TENM4: variants seen among roughly 807,000 people sequenced by gnomAD.
TENM4 encodes teneurin transmembrane protein 4.
A neutral mutation model predicts 243.3 loss-of-function variants in TENM4; 82 were observed. The ratio of observed to expected loss-of-function variants is 0.34; its 90% CI spans 0.28 to 0.40. TENM4 has a LOEUF of 0.40. TENM4 is among the 10% of genes least tolerant of loss of function. The probability of loss-of-function intolerance (pLI) is 1.00; values close to 1 mark genes in which losing one functional copy is unlikely to be tolerated. For synonymous variants in TENM4, 1,412 were observed against 1,456.3 expected (o/e 0.97, Z 0.69); for missense variants, 3,138 against 3,673.3 (o/e 0.85, Z 3.77).
At chr11:78,709,962 A>G (rs1157216062) in intron 26 of TENM4, among the ~76,000 whole-genome samples, 1 of 152,228 alleles carries the variant, frequency 6.6e-6, no homozygotes, top group Non-Finnish European at 1.5e-5. Context: ...GGCCCTGGGC[A>G]GCACCCAGTT....
intron 4 of TENM4, among the ~76,000 whole-genome samples, chr11:79,138,330 T>TATATAATATATA (rs1473021044): frequency 8.6e-6 from 1 of 116,590 alleles, no homozygotes; most frequent in African/African-American, 3.6e-5. Context: ...TATATATATA[T>TATATAATATATA]TATATATATA....
intron 2 of TENM4, among the ~76,000 whole-genome samples, chr11:79,233,821 T>C (rs1297509136): frequency 2.6e-5 from 4 of 152,156 alleles, no homozygotes; most frequent in Admixed American, 1.3e-4. Context: ...TTCCAGCAAA[T>C]AGAAGGCTCT....
chr11:79,251,209 A>G (rs566161580), intron 2 of TENM4, among the ~76,000 whole-genome samples: 8 of 152,200 alleles, frequency 5.3e-5, no homozygotes, highest in Admixed American at 3.3e-4. Context: ...GTTGAAACTA[A>G]GCTCTGACAC....
chr11:79,244,437 CTA>C (rs1342297161), intron 2 of TENM4, among the ~76,000 whole-genome samples: 3 of 140,210 alleles, frequency 2.1e-5, no homozygotes, highest in Non-Finnish European at 4.5e-5. Flanking sequence ...CTGTATGTGT[CTA>C]TGTGTGTGTG....
intron 1 of TENM4, among the ~76,000 whole-genome samples, chr11:79,404,761 G>C (rs1026286487): frequency 6.6e-6 from 1 of 152,124 alleles, no homozygotes; most frequent in Non-Finnish European, 1.5e-5. Context: ...ATTAAGATAA[G>C]AGTTAGTTAT....
At position 78,704,064 on chromosome 11, in the gene TENM4, CATAT is replaced by C. The variant is rs1208763439; in HGVS notation, c.4210-1665_4210-1662del. On this transcript the variant is annotated intron_variant, in intron 27 of 33. Coordinates refer to ENST00000278550, the MANE Select transcript of TENM4 (RefSeq NM_001098816.3). ...ACACACACACACACACACACACACA[CATAT>C]ATATATAAATATATACATACATATA... is the stretch of plus-strand genomic sequence containing the variant. 1.0e-4 allele frequency among the ~76,000 whole-genome samples: 14 copies of C among 134,572 alleles called. 1 individual carries two copies. Among genetic ancestry groups the C allele is most frequent in the African/African-American group, 2.1e-4 (7 of 34,010 alleles). 88.3% of individuals were successfully genotyped at this position (134,572 alleles called of 152,430 possible). A position where few individuals can be genotyped will look rare whatever the true frequency, so the allele number is the denominator to read the frequency against.
At chr11:79,275,254 C>T (rs2004040) in intron 2 of TENM4, among the ~76,000 whole-genome samples, 92,263 of 149,972 alleles carry the variant, frequency 0.62, 28,460 homozygotes, top group Admixed American at 0.67. Flanking sequence ...TGTGTGTGCG[C>T]GCGCATGCGG....
chr11:79,075,156 G>C (rs1203753357), intron 4 of TENM4, among the ~76,000 whole-genome samples: 7 of 152,370 alleles, frequency 4.6e-5, no homozygotes, highest in African/African-American at 1.7e-4. Context: ...CACCGGTCAA[G>C]TGCTTGAGAT....
At chr11:79,192,466 C>A (rs968519980) in intron 3 of TENM4, among the ~76,000 whole-genome samples, 1 of 151,922 alleles carries the variant, frequency 6.6e-6, no homozygotes, top group African/African-American at 2.4e-5. Flanking sequence ...TGTGACCTTA[C>A]CCCCCAACCC....
At chr11:78,962,522 CAGAG>C in intron 6 of TENM4, among the ~76,000 whole-genome samples, 1 of 152,192 alleles carries the variant, frequency 6.6e-6, no homozygotes, top group East Asian at 1.9e-4. Context: ...GATGCCTCCA[CAGAG>C]AAAGTTGCTG....
At chr11:78,729,778 G>T in intron 21 of TENM4, 135 bp from the exon 22 acceptor site, 2 of 1,188,252 alleles carry the variant, frequency 1.7e-6, no homozygotes, top group Non-Finnish European at 2.3e-6. Flanking sequence ...GGGAAAAAAA[G>T]AGGAGACAGT....
chr11:78,699,864 T>G (rs1859063241), intron 28 of TENM4, among the ~76,000 whole-genome samples: 1 of 152,244 alleles, frequency 6.6e-6, no homozygotes, highest in African/African-American at 2.4e-5. Context: ...AGACTTGCTC[T>G]GACAAAGAAA....
chr11:79,252,979 A>ATAT (rs1427790041), intron 2 of TENM4, among the ~76,000 whole-genome samples: 1 of 152,228 alleles, frequency 6.6e-6, no homozygotes, highest in Non-Finnish European at 1.5e-5. Flanking sequence ...CTTAATACAT[A>ATAT]TATTATATCA....
chr11:78,872,327 T>C (rs1011430010), intron 9 of TENM4, among the ~76,000 whole-genome samples: 4 of 152,170 alleles, frequency 2.6e-5, no homozygotes, highest in Non-Finnish European at 5.9e-5. Context: ...CCTAGTACAA[T>C]GCCTACCATC....
chr11:79,234,134 AAAACCC>A (rs1864421439), intron 2 of TENM4, among the ~76,000 whole-genome samples: 1 of 152,216 alleles, frequency 6.6e-6, no homozygotes, highest in Non-Finnish European at 1.5e-5. Context: ...TAAAAGCAAT[AAAACCC>A]ACTTTGTACT....
intron 26 of TENM4, among the ~76,000 whole-genome samples, chr11:78,712,272 C>T (rs1288269262): frequency 6.6e-6 from 1 of 152,154 alleles, no homozygotes; most frequent in Non-Finnish European, 1.5e-5. Flanking sequence ...ACTACATACA[C>T]ACAAACACTT....
At chr11:79,029,519 T>C (rs566722042) in intron 6 of TENM4, among the ~76,000 whole-genome samples, 80 of 152,308 alleles carry the variant, frequency 5.3e-4, no homozygotes, top group African/African-American at 1.7e-3. Context: ...ATTAAATCAT[T>C]CTCGTCCAAA....
At chr11:78,940,020 A>G (rs1184365590) in intron 6 of TENM4, among the ~76,000 whole-genome samples, 1 of 152,166 alleles carries the variant, frequency 6.6e-6, no homozygotes, top group Non-Finnish European at 1.5e-5. Flanking sequence ...AAAAAAATGT[A>G]TAAAAGAAAA....
chr11:79,127,609 T>TCAA (rs1372040043), intron 4 of TENM4, among the ~76,000 whole-genome samples: 5 of 152,342 alleles, frequency 3.3e-5, no homozygotes, highest in African/African-American at 1.2e-4. Context: ...CAGGGGTATA[T>TCAA]CAACTCTCCA....
Sources: allele counts gnomAD v4.1 joint callset (sites outside exome capture counted in the v4.1 genomes callset), GRCh38; gene constraint gnomAD v4.1.1; transcripts MANE v1.5; gene names NCBI Gene and HGNC (gene_info 2026-07-23, HGNC 2026-07-21).